CBLN2: variants seen among roughly 807,000 people sequenced by gnomAD.
CBLN2 encodes cerebellin-2.
Under a neutral mutation model 15.0 loss-of-function variants are expected in CBLN2, and 7 were observed. That is an observed-to-expected ratio of 0.47 (90% confidence interval 0.27 to 0.88). CBLN2 has a LOEUF of 0.88. Ranked by LOEUF, CBLN2 falls within the 40% of genes least tolerant of loss-of-function variation. The pLI is 0.14. For missense variants in CBLN2, 242 were observed against 304.5 expected, an observed-to-expected ratio of 0.79 and a Z score of 1.53; for synonymous variants, 149 against 135.2, an observed-to-expected ratio of 1.10 and a Z score of -0.71.
chr18:72,585,173 G>A (rs2069434242), intron 1 of CBLN2, among the ~76,000 whole-genome samples: 2 of 152,204 alleles, frequency 1.3e-5, no homozygotes, highest in African/African-American at 4.8e-5. Context: ...GCTCCCCAAA[G>A]GGCTGCAGCT....
At chr18:72,551,293 G>C (rs1484448121) in intron 1 of CBLN2, among the ~76,000 whole-genome samples, 1 of 152,024 alleles carries the variant, frequency 6.6e-6, no homozygotes, top group Non-Finnish European at 1.5e-5. Context: ...TTGTTGTTTA[G>C]TTACCCTACC....
intron 1 of CBLN2, among the ~76,000 whole-genome samples, chr18:72,617,054 C>T (rs1334149852): frequency 6.6e-6 from 1 of 152,068 alleles, no homozygotes; most frequent in Non-Finnish European, 1.5e-5. Context: ...GAAAATTGAA[C>T]TTCAAATACT....
chr18:72,603,627 C>T (rs950259385), intron 1 of CBLN2, among the ~76,000 whole-genome samples: 1 of 152,034 alleles, frequency 6.6e-6, no homozygotes, highest in Non-Finnish European at 1.5e-5. Flanking sequence ...CCTTTCCTTC[C>T]TCAAGCCCGC....
chr18:72,585,796 C>T (rs181802132), intron 1 of CBLN2, among the ~76,000 whole-genome samples: 1 of 152,242 alleles, frequency 6.6e-6, no homozygotes, highest in Non-Finnish European at 1.5e-5. Context: ...CTCAGTACCC[C>T]CTTGGCCTCC....
At chr18:72,611,809 C>A (rs2069624505) in intron 1 of CBLN2, among the ~76,000 whole-genome samples, 1 of 152,058 alleles carries the variant, frequency 6.6e-6, no homozygotes, top group Non-Finnish European at 1.5e-5. Flanking sequence ...AGTCATAAAT[C>A]ATTTCCCAAC....
At chr18:72,591,998 C>T (rs1296925785) in intron 1 of CBLN2, among the ~76,000 whole-genome samples, 1 of 152,122 alleles carries the variant, frequency 6.6e-6, no homozygotes, top group Non-Finnish European at 1.5e-5. Context: ...AATTCTCTTT[C>T]CTTTGAGTAT....
intron 1 of CBLN2, among the ~76,000 whole-genome samples, chr18:72,564,313 TA>T (rs2069280186): frequency 6.6e-6 from 1 of 152,074 alleles, no homozygotes; most frequent in Non-Finnish European, 1.5e-5. Context: ...ATCATGGAAA[TA>T]ACTTATTATT....
intron 1 of CBLN2, among the ~76,000 whole-genome samples, chr18:72,598,789 A>T (rs1371847786): frequency 6.6e-6 from 1 of 152,186 alleles, no homozygotes; most frequent in Non-Finnish European, 1.5e-5. Context: ...TTGCATGGAC[A>T]TCAGCTGAGT....
intron 1 of CBLN2, among the ~76,000 whole-genome samples, chr18:72,593,423 T>A (rs1049009500): frequency 1.3e-5 from 2 of 152,118 alleles, no homozygotes; most frequent in Non-Finnish European, 2.9e-5. Context: ...AATCTTTAGG[T>A]TTTTCCAAAT....
At chr18:72,568,572 A>G (rs1010976698) in intron 1 of CBLN2, among the ~76,000 whole-genome samples, 1 of 152,072 alleles carries the variant, frequency 6.6e-6, no homozygotes, top group Non-Finnish European at 1.5e-5. Flanking sequence ...AAAAACTAAA[A>G]TAAAAAATAA....
intron 1 of CBLN2, among the ~76,000 whole-genome samples, chr18:72,576,015 T>C (rs1319731384): frequency 6.6e-6 from 1 of 152,190 alleles, no homozygotes; most frequent in Non-Finnish European, 1.5e-5. Flanking sequence ...GTTATGTTAT[T>C]CATTCAATAA....
intron 1 of CBLN2, among the ~76,000 whole-genome samples, chr18:72,611,128 A>G (rs187582386): frequency 6.6e-6 from 1 of 152,264 alleles, no homozygotes; most frequent in East Asian, 1.9e-4. Flanking sequence ...TATTTTCTTT[A>G]TCCAATCTAC....
rs1050771486 is a variant in CBLN2 at position 72,536,986 on chromosome 18, T to C, written c.*1190A>G. The C allele has an allele frequency of 6.6e-6, 1 of 152,210 alleles. No homozygotes were observed. Among genetic ancestry groups the C allele is most frequent in the Non-Finnish European group, 1.5e-5 (1 of 68,000 alleles). 9.4% of individuals were successfully genotyped at this position (152,210 alleles called of 1,614,324 possible). On this transcript the variant is annotated 3_prime_UTR_variant, in exon 5 of 5. Coordinates refer to ENST00000269503, the MANE Select transcript of CBLN2 (RefSeq NM_182511.4). ...TTCTCGCCAGGTGCATGCAGGAGAG[T>C]GTCAATGCATCCCTTTCCTGGGCAG...
At chr18:72,542,522 T>A (rs1428501878) in intron 2 of CBLN2, among the ~76,000 whole-genome samples, 196 bp from the exon 3 acceptor site, 1 of 150,906 alleles carries the variant, frequency 6.6e-6, no homozygotes, top group Non-Finnish European at 1.5e-5. Flanking sequence ...AGCGCATCCC[T>A]GAAGGCTCCC....
intron 1 of CBLN2, among the ~76,000 whole-genome samples, chr18:72,551,297 C>G (rs989199269): frequency 6.6e-6 from 1 of 152,034 alleles, no homozygotes; most frequent in Non-Finnish European, 1.5e-5. Flanking sequence ...TGTTTAGTTA[C>G]CCTACCAGAT....
At chr18:72,637,746 C>T (rs2069823666) in intron 1 of CBLN2, among the ~76,000 whole-genome samples, 1 of 152,210 alleles carries the variant, frequency 6.6e-6, no homozygotes, top group African/African-American at 2.4e-5. Context: ...ACCCCCCATC[C>T]CACCTCTCCT....
At chr18:72,622,865 TCTCTGTAAATTAAACATAA>T (rs2069710398) in intron 1 of CBLN2, among the ~76,000 whole-genome samples, 1 of 152,190 alleles carries the variant, frequency 6.6e-6, no homozygotes, top group African/African-American at 2.4e-5. Flanking sequence ...ATGTTCTACT[TCTCTGTAAATTAAACATAA>T]CTTATGGATA....
Position 72,538,129 on chromosome 18 carries a change from T to C in CBLN2, c.*47A>G. The C allele has an allele frequency of 6.3e-7, 1 of 1,597,700 alleles. No homozygotes were observed. The highest frequency in any genetic ancestry group is 8.6e-7 in the Non-Finnish European group (1 of 1,165,754). On this transcript the variant is annotated 3_prime_UTR_variant, in exon 5 of 5. Coordinates refer to ENST00000269503, the MANE Select transcript of CBLN2 (RefSeq NM_182511.4). ...GTTCAGGGTGTTTTAAAGGGCGGAG[T>C]CCTGGGTCCAGTTTGCCATTCCCCC... is the stretch of plus-strand genomic sequence containing the variant.
chr18:72,547,308 C>T (rs546970321), upstream of CBLN2, among the ~76,000 whole-genome samples: 65 of 152,008 alleles, frequency 4.3e-4, no homozygotes, highest in South Asian at 8.3e-3. Context: ...TGCGCACACA[C>T]GAACAAAGAG....
Sources: allele counts gnomAD v4.1 joint callset (sites outside exome capture counted in the v4.1 genomes callset), GRCh38; gene constraint gnomAD v4.1.1; transcripts MANE v1.5; gene names NCBI Gene and HGNC (gene_info 2026-07-23, HGNC 2026-07-21).